ARHGAP44: variants seen among roughly 807,000 people sequenced by gnomAD.
The protein encoded by ARHGAP44 is Rho GTPase activating protein 44, also known as rho GTPase-activating protein 44.
In ARHGAP44, 43 loss-of-function variants were observed where a neutral mutation model predicts 106.8. The observed-to-expected ratio is 0.40, with a 90% CI of 0.32 to 0.52. The LOEUF is 0.52. Among genes scored for constraint, ARHGAP44 ranks in the 20% least tolerant of loss-of-function variants. The probability of loss-of-function intolerance (pLI) is 0.48; values close to 1 mark genes in which losing one functional copy is unlikely to be tolerated. For synonymous variants in ARHGAP44, 439 were observed against 410.3 expected, an observed-to-expected ratio of 1.07 and a Z score of -0.85; for missense variants, 866 against 1,050.5, an observed-to-expected ratio of 0.82 and a Z score of 2.43.
At chr17:12,885,217 T>C (rs1304960562) in intron 1 of ARHGAP44, among the ~76,000 whole-genome samples, 3 of 152,184 alleles carry the variant, frequency 2.0e-5, no homozygotes, top group African/African-American at 7.2e-5. Flanking sequence ...GCATATTCTG[T>C]CATATGCACC....
At chr17:12,790,298 C>G (rs969513684) in intron 1 of ARHGAP44, 26 of 185,742 alleles carry the variant, frequency 1.4e-4, no homozygotes, top group African/African-American at 5.9e-4. Context: ...CTTCCCTCCC[C>G]TCCCCTGCGC....
chr17:12,858,927 C>T (rs986648978), intron 1 of ARHGAP44, among the ~76,000 whole-genome samples: 2 of 152,090 alleles, frequency 1.3e-5, no homozygotes, highest in Non-Finnish European at 1.5e-5. Context: ...AGGGGAAACC[C>T]CTTATAAACC....
At chr17:12,910,661 G>A (rs565866007) in intron 4 of ARHGAP44, among the ~76,000 whole-genome samples, 11 of 151,892 alleles carry the variant, frequency 7.2e-5, no homozygotes, top group Non-Finnish European at 1.5e-4. Flanking sequence ...GGCCAGACTG[G>A]TCATGAACTC....
chr17:12,918,012 G>A (rs929485584), intron 5 of ARHGAP44, among the ~76,000 whole-genome samples: 2 of 152,146 alleles, frequency 1.3e-5, no homozygotes, highest in Non-Finnish European at 2.9e-5. Flanking sequence ...GGAGAAAATC[G>A]TGGATGAAGT....
chr17:12,892,469 T>A lies in ARHGAP44; in HGVS notation c.54-2471T>A, dbSNP rs899728876. On this transcript the variant is annotated intron_variant, in intron 1 of 20. Transcript: ENST00000379672. ...TTGTTCAGCTTTTTAAATATGTAGG[T>A]TTGTGTCTTGTGCCACATTTGGGAC... Among the ~76,000 whole-genome samples the A allele has an allele frequency of 5.9e-5, 9 of 151,676 alleles. No homozygotes were observed. In the South Asian group the frequency reaches 1.9e-3, roughly 31 times the overall value.
intron 1 of ARHGAP44, among the ~76,000 whole-genome samples, chr17:12,877,183 A>G (rs1475264600): frequency 6.6e-6 from 1 of 152,240 alleles, no homozygotes; most frequent in Non-Finnish European, 1.5e-5. Context: ...TTTGCAGTTA[A>G]GATTTACCCA....
chr17:12,835,829 T>A (rs1448277252), intron 1 of ARHGAP44, among the ~76,000 whole-genome samples: 1 of 152,184 alleles, frequency 6.6e-6, no homozygotes, highest in Non-Finnish European at 1.5e-5. Flanking sequence ...CAGTAATCAC[T>A]ATTTTACTTT....
chr17:12,851,389 C>T (rs751321742), intron 1 of ARHGAP44, among the ~76,000 whole-genome samples: 3 of 152,174 alleles, frequency 2.0e-5, no homozygotes, highest in Admixed American at 6.5e-5. Context: ...CTGTGCTTGC[C>T]GTCGAGGACC....
At chr17:12,978,094 T>G (rs1047312921) in intron 18 of ARHGAP44, among the ~76,000 whole-genome samples, 1 of 146,864 alleles carries the variant, frequency 6.8e-6, no homozygotes, top group Admixed American at 6.9e-5. Context: ...AAGAGCTCAT[T>G]CCTAGATTCC....
intron 1 of ARHGAP44, among the ~76,000 whole-genome samples, chr17:12,808,442 T>C (rs1333848522): frequency 6.6e-6 from 1 of 152,228 alleles, no homozygotes; most frequent in East Asian, 1.9e-4. Flanking sequence ...ATACATCCTC[T>C]GAAATCTAGG....
chr17:12,845,000 T>G (rs915532465), intron 1 of ARHGAP44, among the ~76,000 whole-genome samples: 2 of 152,148 alleles, frequency 1.3e-5, no homozygotes, highest in African/African-American at 4.8e-5. Flanking sequence ...ATTTAGTCCC[T>G]TCATTCTAGT....
At chr17:12,943,691 A>G (rs1410445210) in intron 9 of ARHGAP44, 22 bp downstream of exon 9, 2 of 1,609,806 alleles carry the variant, frequency 1.2e-6, no homozygotes, top group Admixed American at 1.7e-5. Flanking sequence ...CCTTCCCTGG[A>G]GAAGGGAGGG....
At chr17:12,848,016 G>A (rs891400846) in intron 1 of ARHGAP44, among the ~76,000 whole-genome samples, 5 of 152,106 alleles carry the variant, frequency 3.3e-5, no homozygotes, top group Admixed American at 6.5e-5. Context: ...CTAATGTGTC[G>A]TTTTTCAGGA....
intron 16 of ARHGAP44, among the ~76,000 whole-genome samples, chr17:12,966,173 T>A (rs967648574): frequency 2.7e-4 from 36 of 133,288 alleles, no homozygotes; most frequent in African/African-American, 1.1e-3. Context: ...AAAAAAAAAA[T>A]CCTTGAAAGA....
chr17:12,915,134 G>A (rs886188099), intron 4 of ARHGAP44, among the ~76,000 whole-genome samples: 4 of 152,212 alleles, frequency 2.6e-5, no homozygotes, highest in Admixed American at 6.5e-5. Flanking sequence ...TGCCTCCCAG[G>A]TACAAGTGAT....
chr17:12,978,676 TTCTTTTC>T (rs1416573740), intron 18 of ARHGAP44, among the ~76,000 whole-genome samples: 6 of 141,618 alleles, frequency 4.2e-5, no homozygotes, highest in African/African-American at 7.5e-5. Context: ...CCTTTTTTTT[TTCTTTTC>T]TTTTTTCTTT....
chr17:12,880,856 C>T (rs2036716274), intron 1 of ARHGAP44, among the ~76,000 whole-genome samples: 1 of 152,054 alleles, frequency 6.6e-6, no homozygotes, highest in Non-Finnish European at 1.5e-5. Flanking sequence ...AACAAGTTAT[C>T]CTTATAGTAG....
At chr17:12,974,778 G>A (rs1161924198) in intron 18 of ARHGAP44, among the ~76,000 whole-genome samples, 2 of 151,836 alleles carry the variant, frequency 1.3e-5, no homozygotes, top group Non-Finnish European at 2.9e-5. Context: ...TAGGACATAA[G>A]CAATAACTGG....
chr17:12,937,257 T>C (rs2038574716), intron 7 of ARHGAP44, among the ~76,000 whole-genome samples: 1 of 152,202 alleles, frequency 6.6e-6, no homozygotes, highest in Non-Finnish European at 1.5e-5. Flanking sequence ...AATTTCTCTT[T>C]AGGGGAGACC....
Sources: allele counts gnomAD v4.1 joint callset (sites outside exome capture counted in the v4.1 genomes callset), GRCh38; gene constraint gnomAD v4.1.1; transcripts MANE v1.5; gene names NCBI Gene and HGNC (gene_info 2026-07-23, HGNC 2026-07-21).